The following MGA variants were observed in gnomAD, a reference collection of about 807,000 sequenced individuals.
MGA encodes the protein MAX dimerization protein MGA.
A neutral mutation model predicts 261.1 loss-of-function variants in MGA; 40 were observed. That is an observed-to-expected ratio of 0.15 (90% CI 0.12 to 0.20). The LOEUF is 0.20. Among genes scored for constraint, MGA ranks in the 10% least tolerant of loss-of-function variants. MGA has a pLI of 1.00. For synonymous variants in MGA, 1,302 were observed against 1,290.6 expected (o/e 1.01, Z -0.19); for missense variants, 3,397 against 3,630.5 (o/e 0.94, Z 1.65).
intron 1 of MGA, among the ~76,000 whole-genome samples, chr15:41,650,139 T>C (rs543904182): frequency 2.0e-5 from 3 of 152,338 alleles, no homozygotes; most frequent in African/African-American, 2.4e-5. Context: ...GTTGTCATCA[T>C]TGAGTATTGG....
intron 15 of MGA, among the ~76,000 whole-genome samples, chr15:41,744,210 A>G (rs1373792518): frequency 1.3e-5 from 2 of 151,870 alleles, no homozygotes; most frequent in East Asian, 1.9e-4. Flanking sequence ...GTATATATAT[A>G]TATATTTTTT....
At chr15:41,705,826 G>T (rs2060079035) in intron 5 of MGA, among the ~76,000 whole-genome samples, 1 of 152,216 alleles carries the variant, frequency 6.6e-6, no homozygotes, top group African/African-American at 2.4e-5. Flanking sequence ...GTAAAGGCAA[G>T]ATTAGAAATC....
chr15:41,731,774 T>C (rs1251224046), intron 11 of MGA, among the ~76,000 whole-genome samples: 1 of 152,234 alleles, frequency 6.6e-6, no homozygotes, highest in Non-Finnish European at 1.5e-5. Context: ...GTTAATAAGA[T>C]CATTTTCTCA....
At chr15:41,754,302 C>A in intron 17 of MGA, 135 bp from the exon 18 acceptor site, 1 of 706,252 alleles carries the variant, frequency 1.4e-6, no homozygotes, top group Non-Finnish European at 2.2e-6. Flanking sequence ...GACTAACAAT[C>A]TTAGGATTAT....
At chr15:41,736,748 A>G in intron 13 of MGA, 50 bp downstream of exon 13, 1 of 1,474,316 alleles carries the variant, frequency 6.8e-7, no homozygotes, top group Non-Finnish European at 9.0e-7. Context: ...ACACCTAGGT[A>G]GTATCATGAT....
Position 41,728,575 on chromosome 15 carries a change from GAA to G in MGA, c.3658-586_3658-585del, listed in dbSNP as rs1460220215. Among the ~76,000 whole-genome samples the G allele has an allele frequency of 3.3e-5, 5 of 152,260 alleles. No individual in the cohort carries two copies. The East Asian group carries it at 9.6e-4, about 29-fold the overall frequency. On this transcript the variant is annotated intron_variant, in intron 10 of 23. Transcript: ENST00000219905. Reference sequence around the variant, plus strand: ...GTTACTAAGAAAATAATAAGGGAAAGAAAATGTTGTTACTATTCATTAGTGGA... The same window carrying G: ...GTTACTAAGAAAATAATAAGGGAAAGAATGTTGTTACTATTCATTAGTGGA...
chr15:41,750,363 C>T lies in MGA; in HGVS notation c.6756C>T (p.Ala2252=), dbSNP rs1336846017. The change falls in exon 17 of 24, where the codon GCC becomes GCT. Residue 2252 remains alanine, a synonymous_variant. Coordinates refer to ENST00000219905, the MANE Select transcript of MGA (RefSeq NM_001164273.2). The stretch of plus-strand genomic sequence containing the variant: ...GGAGTAGGATTTCTAATCCTTCAGC[C>T]TTCTCCATTGTTCCTAGGAGAGCTG... 8 of 1,613,964 alleles carry T rather than the reference C, an allele frequency of 5.0e-6. No individual in the cohort carries two copies. The highest frequency in any genetic ancestry group is 1.1e-5 in the South Asian group (1 of 91,080).
At chr15:41,685,967 T>C (rs1369929985) in intron 2 of MGA, among the ~76,000 whole-genome samples, 2 of 149,528 alleles carry the variant, frequency 1.3e-5, no homozygotes, top group East Asian at 2.0e-4. Context: ...ATCGTGCCAC[T>C]GCACTCCAGC....
intron 5 of MGA, among the ~76,000 whole-genome samples, chr15:41,703,792 ATGTTT>A (rs1188064862): frequency 6.6e-6 from 1 of 152,082 alleles, no homozygotes; most frequent in Admixed American, 6.5e-5. Context: ...GTCAGTTTTA[ATGTTT>A]TGTTTTGGTT....
At chr15:41,652,980 A>G (rs968164117) in intron 1 of MGA, among the ~76,000 whole-genome samples, 1 of 152,214 alleles carries the variant, frequency 6.6e-6, no homozygotes, top group East Asian at 1.9e-4. Context: ...AATCGCTACA[A>G]TTTATAATCT....
chr15:41,727,080 A>T, intron 9 of MGA, 100 bp from the exon 10 acceptor site: 1 of 820,864 alleles, frequency 1.2e-6, no homozygotes, highest in Non-Finnish European at 1.9e-6. Flanking sequence ...TTAACGAGTT[A>T]CTGCCTTTTG....
chr15:41,671,924 T>C (rs2058085055), intron 2 of MGA, among the ~76,000 whole-genome samples: 1 of 152,224 alleles, frequency 6.6e-6, no homozygotes, highest in African/African-American at 2.4e-5. Flanking sequence ...TGTGGTATTG[T>C]TTGTAATTGC....
At position 41,696,622 on chromosome 15, in the gene MGA, A is replaced by G. The variant is rs1244360927; in HGVS notation, c.1612A>G (p.Arg538Gly). Residue 538 changes from arginine to glycine, a missense_variant, in exon 3 of 24, where the codon AGA becomes GGA. Physicochemically the swap from Arg to Gly is moderately radical, Grantham distance 125 (BLOSUM62 -2). Coordinates refer to ENST00000219905, the MANE Select transcript of MGA (RefSeq NM_001164273.2). ...TCTTAGAAAACATTCACCAGATCTCAGAGTGGTACAAAAATATCCCTTACT... is the reference window on the plus strand; with the variant it reads ...TCTTAGAAAACATTCACCAGATCTCGGAGTGGTACAAAAATATCCCTTACT... 6.2e-7 allele frequency: 1 copy of G among 1,613,630 alleles called. No homozygotes were observed. The highest frequency in any genetic ancestry group is 8.5e-7 in the Non-Finnish European group (1 of 1,179,790).
intron 2 of MGA, among the ~76,000 whole-genome samples, chr15:41,689,755 A>G (rs1430481104): frequency 1.3e-5 from 2 of 151,738 alleles, no homozygotes; most frequent in Admixed American, 6.6e-5. Flanking sequence ...TAGTAGAGAC[A>G]GGGTTTTGCC....
chr15:41,734,410 A>T, intron 11 of MGA, 112 bp from the exon 12 acceptor site: 1 of 818,024 alleles, frequency 1.2e-6, no homozygotes, highest in Non-Finnish European at 2.0e-6. Flanking sequence ...TTGACATTTC[A>T]GTCATTCTAA....
chr15:41,711,781 C>T (rs1410707134), intron 8 of MGA, among the ~76,000 whole-genome samples: 1 of 152,064 alleles, frequency 6.6e-6, no homozygotes, highest in Non-Finnish European at 1.5e-5. Flanking sequence ...CTGCAACCTC[C>T]GCCTCCTGGG....
Position 41,697,030 on chromosome 15 carries a change from T to C in MGA, c.2013+7T>C. ...TGTTTCCTTTGAATCAAAGGTAAGA[T>C]TGTAATTTTCAGGATTCTTTAAGGC... On this transcript the variant is annotated splice_region_variant and intron_variant, in intron 3 of 23. Coordinates refer to ENST00000219905, the MANE Select transcript of MGA (RefSeq NM_001164273.2). 1 of 1,516,066 alleles carries C rather than the reference T, an allele frequency of 6.6e-7. No homozygotes were observed. The highest frequency in any genetic ancestry group is 8.8e-7 in the Non-Finnish European group (1 of 1,133,678). The allele number at this position is 1,516,066 out of a possible 1,614,324, so 93.9% of individuals were successfully genotyped here. A position where few individuals can be genotyped will look rare whatever the true frequency, so the allele number is the denominator to read the frequency against.
intron 9 of MGA, among the ~76,000 whole-genome samples, chr15:41,721,345 C>G (rs976615426): frequency 6.6e-6 from 1 of 151,886 alleles, no homozygotes; most frequent in African/African-American, 2.4e-5. Context: ...GGGTGTGCCT[C>G]TAATCCCAGC....
At chr15:41,648,600 G>A (rs1476352001) in intron 1 of MGA, among the ~76,000 whole-genome samples, 1 of 152,146 alleles carries the variant, frequency 6.6e-6, no homozygotes, top group Non-Finnish European at 1.5e-5. Context: ...CCAGGTGAAG[G>A]TTTGTGGGGA....
Sources: gnomAD v4.1 joint callset for allele counts (sites outside exome capture counted in the v4.1 genomes callset) on GRCh38, gnomAD v4.1.1 for gene constraint, MANE v1.5 for transcripts, NCBI Gene and HGNC (gene_info 2026-07-23, HGNC 2026-07-21) for gene names.